The following KANSL1 variants were observed in gnomAD, a reference collection of about 807,000 sequenced individuals.
The protein encoded by KANSL1 is MLL1/MLL complex subunit KANSL1.
KANSL1 carries 22 observed loss-of-function variants against 103.6 expected under a neutral mutation model. The observed-to-expected ratio is 0.21, with a 90% CI of 0.15 to 0.30. The LOEUF is 0.30. Among genes scored for constraint, KANSL1 ranks in the 10% least tolerant of loss-of-function variants. The pLI is 1.00. For missense variants in KANSL1, 1,337 were observed against 1,399.8 expected, an observed-to-expected ratio of 0.96 and a Z score of 0.72; for synonymous variants, 600 against 527.6, an observed-to-expected ratio of 1.14 and a Z score of -1.88.
chr17:46,059,213 C>T (rs1023541426), intron 6 of KANSL1, among the ~76,000 whole-genome samples: 2 of 152,024 alleles, frequency 1.3e-5, no homozygotes, highest in Admixed American at 6.6e-5. Flanking sequence ...AAAGAAAAAG[C>T]TGAAGTTGTG....
At chr17:46,059,107 G>C (rs925149981) in intron 6 of KANSL1, among the ~76,000 whole-genome samples, 1 of 151,704 alleles carries the variant, frequency 6.6e-6, no homozygotes, top group East Asian at 1.9e-4. Flanking sequence ...ACTCTTGTAG[G>C]GCTGAATGGA....
intron 2 of KANSL1, among the ~76,000 whole-genome samples, chr17:46,122,007 A>T (rs2043302709): frequency 6.6e-6 from 1 of 152,240 alleles, no homozygotes; most frequent in Non-Finnish European, 1.5e-5. Context: ...GAAAGTGAAA[A>T]CAACGGCTGT....
chr17:46,189,369 G>A (rs1283213385), intron 1 of KANSL1, among the ~76,000 whole-genome samples: 2 of 152,114 alleles, frequency 1.3e-5, no homozygotes, highest in Admixed American at 6.5e-5. Context: ...TTTGTTGGGG[G>A]GTGGAGAGGG....
intron 4 of KANSL1, among the ~76,000 whole-genome samples, chr17:46,079,931 C>T (rs2078921157): frequency 6.6e-6 from 1 of 151,596 alleles, no homozygotes; most frequent in East Asian, 1.9e-4. Context: ...GAGCCAAGGT[C>T]GCACCACTGC....
At chr17:46,040,423 G>A (rs1049771852) in intron 7 of KANSL1, 1 of 152,400 alleles carries the variant, frequency 6.6e-6, no homozygotes, top group African/African-American at 2.4e-5. Context: ...ACTGGTTAAT[G>A]TTCAATATCA....
At position 46,115,304 on chromosome 17, in the gene KANSL1, C is replaced by G. The variant is rs1001897632; in HGVS notation, c.1290-20603G>C. ...CACACTGCTGACCTCAGGTGATCCA[C>G]CCATCTCAGCCTCCCATAGTACTGG... On this transcript the variant is annotated intron_variant, in intron 2 of 14. Transcript: ENST00000432791. Among the ~76,000 whole-genome samples, 4 of 152,192 alleles carry G rather than the reference C, an allele frequency of 2.6e-5. No individual in the cohort carries two copies. The South Asian group carries it at 8.3e-4, about 31-fold the overall frequency.
At chr17:46,121,540 T>C (rs900516802) in intron 2 of KANSL1, among the ~76,000 whole-genome samples, 4 of 152,236 alleles carry the variant, frequency 2.6e-5, no homozygotes, top group Admixed American at 1.3e-4. Flanking sequence ...TAGGCCTTTT[T>C]CCCTGATGAC....
intron 4 of KANSL1, among the ~76,000 whole-genome samples, chr17:46,069,590 C>G (rs567814747): frequency 2.0e-5 from 3 of 151,918 alleles, no homozygotes; most frequent in South Asian, 2.1e-4. Context: ...ACTAAAAATA[C>G]AAAATTAGTT....
chr17:46,216,359 G>T (rs1325547402), intron 1 of KANSL1, among the ~76,000 whole-genome samples: 1 of 152,118 alleles, frequency 6.6e-6, no homozygotes, highest in Non-Finnish European at 1.5e-5. Context: ...ACACACTTTG[G>T]GAGGCCGAGG....
chr17:46,046,651 T>G (rs555655005), intron 7 of KANSL1, among the ~76,000 whole-genome samples: 2 of 138,432 alleles, frequency 1.4e-5, no homozygotes, highest in East Asian at 2.5e-4. Flanking sequence ...TCCTGGCCAA[T>G]ATGGTGAAAC....
At chr17:46,224,271 A>G (rs2048616899), upstream of KANSL1, among the ~76,000 whole-genome samples, 1 of 152,214 alleles carries the variant, frequency 6.6e-6, no homozygotes, top group South Asian at 2.1e-4. Context: ...CTGAAGTACT[A>G]GAAACAAATA....
intron 8 of KANSL1, 86 bp downstream of exon 8, chr17:46,039,616 A>G: frequency 7.0e-7 from 1 of 1,434,198 alleles, no homozygotes; most frequent in Non-Finnish European, 9.5e-7. Context: ...CAACCCCAAC[A>G]TGCATGCAAA....
At chr17:46,152,131 A>G (rs186072908) in intron 2 of KANSL1, among the ~76,000 whole-genome samples, 48 of 152,368 alleles carry the variant, frequency 3.2e-4, no homozygotes, top group Admixed American at 5.9e-4. Flanking sequence ...CAGTGGGAAG[A>G]AAACAAAAAT....
At chr17:46,105,469 T>C (rs961710810) in intron 2 of KANSL1, among the ~76,000 whole-genome samples, 9 of 146,170 alleles carry the variant, frequency 6.2e-5, no homozygotes, top group African/African-American at 2.0e-4. Flanking sequence ...ATACGAAAAT[T>C]AGTAGGGAAT....
Position 46,038,819 on chromosome 17 carries a change from A to G in KANSL1, c.2393-133T>C, listed in dbSNP as rs1014330888. ...CTATGCCTAGAGGATAAAAAGGTGA[A>G]GCACACTAGCTGTGGGAAGTAGGGG... On this transcript the variant is annotated intron_variant, in intron 9 of 14. Coordinates refer to ENST00000432791, the MANE Select transcript of KANSL1 (RefSeq NM_015443.4). 7 of 1,265,412 alleles carry G rather than the reference A, an allele frequency of 5.5e-6. No homozygotes were observed. The Admixed American group carries it at 1.2e-4, about 22-fold the overall frequency. 78.4% of individuals were successfully genotyped at this position (1,265,412 alleles called of 1,614,324 possible). A position where few individuals can be genotyped will look rare whatever the true frequency, so the allele number is the denominator to read the frequency against.
At chr17:46,204,801 T>C (rs1430071026) in intron 1 of KANSL1, among the ~76,000 whole-genome samples, 1 of 152,220 alleles carries the variant, frequency 6.6e-6, no homozygotes, top group Non-Finnish European at 1.5e-5. Flanking sequence ...CTTCTGAAAA[T>C]CAATTAATGT....
intron 2 of KANSL1, chr17:46,119,992 CA>C (rs1011036431): frequency 2.0e-5 from 3 of 152,188 alleles, no homozygotes; most frequent in African/African-American, 7.2e-5. Context: ...TCTGTGGTTC[CA>C]CAAACAGATT....
chr17:46,066,483 T>A (rs2078379841), intron 6 of KANSL1, 54 bp downstream of exon 6: 2 of 1,476,792 alleles, frequency 1.4e-6, no homozygotes, highest in Non-Finnish European at 1.8e-6. Flanking sequence ...AGACTAACTC[T>A]ATCTGAGCAT....
At chr17:46,175,310 C>CTGTGTGTGTGTG (rs71138529) in intron 1 of KANSL1, among the ~76,000 whole-genome samples, 44 of 137,570 alleles carry the variant, frequency 3.2e-4, no homozygotes, top group African/African-American at 6.4e-4. Context: ...TGTCTTATTG[C>CTGTGTGTGTGTG]TGTGTGTGTG....
Sources: gnomAD v4.1 joint callset for allele counts (sites outside exome capture counted in the v4.1 genomes callset) on GRCh38, gnomAD v4.1.1 for gene constraint, MANE v1.5 for transcripts, NCBI Gene and HGNC (gene_info 2026-07-23, HGNC 2026-07-21) for gene names.